Variants in TPM1 observed in about 807,000 individuals in gnomAD.
The protein encoded by TPM1 is tropomyosin 1, also known as tropomyosin alpha-1 chain.
Under a neutral mutation model 42.9 loss-of-function variants are expected in TPM1, and 24 were observed. The observed-to-expected ratio is 0.56, with a 90% confidence interval of 0.41 to 0.79. TPM1 has a LOEUF of 0.79. TPM1 is among the 30% of genes least tolerant of loss of function. TPM1 has a pLI of 0.00. For missense variants in TPM1, 158 were observed against 351.8 expected, an observed-to-expected ratio of 0.45 and a Z score of 4.41; for synonymous variants, 136 against 130.1, an observed-to-expected ratio of 1.05 and a Z score of -0.31.
chr15:63,058,268 C>T lies in TPM1; in HGVS notation c.374+1150C>T, dbSNP rs117315892. On this transcript the variant is annotated intron_variant, in intron 3 of 9. Transcript: ENST00000403994. ...ATGTTAGACTTCGGAGTAAAGGGGA[C>T]TTGGGGATCATTTAGTCCCTTAGTT... 8.1e-4 allele frequency among the ~76,000 whole-genome samples: 123 copies of T among 152,204 alleles called. No individual in the cohort carries two copies. The East Asian group carries it at 0.023, about 28-fold the overall frequency.
At chr15:63,061,864 C>T in intron 6 of TPM1, 76 bp downstream of exon 6, 1 of 1,284,128 alleles carries the variant, frequency 7.8e-7, no homozygotes, top group Non-Finnish European at 1.1e-6. Flanking sequence ...GAAAGCAACA[C>T]TTACAGTAGA....
chr15:63,063,986 G>A (rs537835888), intron 8 of TPM1, 78 bp from the exon 9 acceptor site: 57 of 1,585,668 alleles, frequency 3.6e-5, no homozygotes, highest in African/African-American at 2.9e-4. Context: ...GATGGTGCGC[G>A]CACCACCCTC....
intron 2 of TPM1, among the ~76,000 whole-genome samples, chr15:63,053,959 G>A (rs997065828): frequency 1.3e-5 from 2 of 152,002 alleles, no homozygotes; most frequent in Non-Finnish European, 1.5e-5. Flanking sequence ...GATTACAGGC[G>A]TGAGCCACAG....
intron 2 of TPM1, chr15:63,048,468 C>A: frequency 7.2e-7 from 1 of 1,390,030 alleles, no homozygotes; most frequent in Non-Finnish European, 9.2e-7. Context: ...GAGGCCTGGG[C>A]GGGGCGGACC....
At chr15:63,061,832 C>T in intron 6 of TPM1, 44 bp downstream of exon 6, 1 of 1,567,352 alleles carries the variant, frequency 6.4e-7, no homozygotes, top group Admixed American at 1.7e-5. Flanking sequence ...CTTTTAAGAG[C>T]TGCTCAAAAG....
chr15:63,053,629 G>A (rs906314242), intron 2 of TPM1, among the ~76,000 whole-genome samples: 12 of 150,242 alleles, frequency 8.0e-5, no homozygotes, highest in Non-Finnish European at 1.6e-4. Flanking sequence ...CTCCCCCTTT[G>A]ACCTCCTGAA....
chr15:63,043,603 G>A (rs1219935915), intron 1 of TPM1: 3 of 1,516,874 alleles, frequency 2.0e-6, no homozygotes, highest in Non-Finnish European at 2.7e-6. Flanking sequence ...ACTCGGCGGC[G>A]CCCCGAGCCC....
intron 2 of TPM1, among the ~76,000 whole-genome samples, chr15:63,053,135 T>C (rs1256085641): frequency 1.3e-5 from 2 of 152,358 alleles, no homozygotes; most frequent in Non-Finnish European, 2.9e-5. Context: ...CGTGTCCTTA[T>C]GTGAGCTTCC....
Position 63,060,887 on chromosome 15 carries a change from AT to A in TPM1, c.512del (p.Ile171ThrfsTer27). ...KYEEVARKLV[I>X]IESDLERAEE... ...GCTGCAGGTGGCCCGTAAGCTGGTCATCATTGAGAGCGACCTGGAACGTGCA... is the reference window on the plus strand; with the variant it reads ...GCTGCAGGTGGCCCGTAAGCTGGTCACATTGAGAGCGACCTGGAACGTGCA... On this transcript the variant is annotated frameshift_variant, in exon 5 of 10. Transcript: ENST00000403994. LOFTEE classifies it high-confidence loss of function. The A allele has an allele frequency of 6.2e-7, 1 of 1,614,198 alleles. No homozygotes were observed. The highest frequency in any genetic ancestry group is 8.5e-7 in the Non-Finnish European group (1 of 1,180,048).
downstream of TPM1, among the ~76,000 whole-genome samples, chr15:63,066,390 G>A (rs1180350458): frequency 6.6e-6 from 1 of 152,214 alleles, no homozygotes; most frequent in South Asian, 2.1e-4. Flanking sequence ...CTGCTTTGCA[G>A]TCTGGGTCAC....
chr15:63,050,544 TATAAC>T (rs2033649931), intron 2 of TPM1, among the ~76,000 whole-genome samples: 1 of 152,270 alleles, frequency 6.6e-6, no homozygotes, highest in African/African-American at 2.4e-5. Context: ...ACGTCGTTTT[TATAAC>T]AGAACTCTTC....
chr15:63,069,775 T>G, downstream of TPM1: 1 of 1,497,912 alleles, frequency 6.7e-7, no homozygotes. Flanking sequence ...CTGCTTGAGG[T>G]CTCTTTGTGT....
At position 63,042,770 on chromosome 15, in the gene TPM1, C is replaced by T; in HGVS notation, c.-60C>T. 6.8e-7 allele frequency: 1 copy of T among 1,464,504 alleles called. No individual in the cohort carries two copies. Among genetic ancestry groups the T allele is most frequent in the South Asian group, 1.2e-5 (1 of 86,242 alleles). The allele number at this position is 1,464,504 out of a possible 1,614,324, so 90.7% of individuals were successfully genotyped here. ...GCGCTCGCACTCCCGCTCCTCCGCC[C>T]GACCGCGCGCTCGCCCCGCCGCTCC... On this transcript the variant is annotated 5_prime_UTR_variant, in exon 1 of 10. Coordinates refer to ENST00000403994, the MANE Select transcript of TPM1 (RefSeq NM_001018005.2).
intron 1 of TPM1, chr15:63,043,727 A>G: frequency 1.3e-6 from 2 of 1,548,464 alleles, no homozygotes; most frequent in Non-Finnish European, 1.7e-6. Context: ...CATCGCGGCC[A>G]AGGAGAAGTT....
chr15:63,043,549 C>T, intron 1 of TPM1: 3 of 1,230,626 alleles, frequency 2.4e-6, no homozygotes, highest in East Asian at 2.5e-5. Context: ...GGAGCGGTTC[C>T]AGCTCGGGTA....
At chr15:63,056,272 C>T (rs1176407321) in intron 2 of TPM1, 1 of 152,336 alleles carries the variant, frequency 6.6e-6, no homozygotes, top group Non-Finnish European at 1.5e-5. Flanking sequence ...ATGGCTGAGC[C>T]TGGGTAAGTC....
At chr15:63,066,476 G>C (rs187930788), downstream of TPM1, among the ~76,000 whole-genome samples, 2 of 152,192 alleles carry the variant, frequency 1.3e-5, no homozygotes, top group African/African-American at 2.4e-5. Context: ...TTTAGCTCGG[G>C]ATGTAGTGAC....
rs377726678 is a variant in TPM1 at position 63,060,851 on chromosome 15, T to G, written c.493-18T>G. ...CTTGCAAGACCCATGGTGTGTGTGT[T>G]GTGTCTTCCTGCTGCAGGTGGCCCG... is the stretch of plus-strand genomic sequence containing the variant. On this transcript the variant is annotated intron_variant, in intron 4 of 9. Transcript: ENST00000403994. The G allele has an allele frequency of 1.1e-4, 172 of 1,614,080 alleles. 1 individual carries two copies. The highest frequency in any genetic ancestry group is 1.4e-4 in the Non-Finnish European group (166 of 1,180,046).
intron 6 of TPM1, 126 bp from the exon 7 acceptor site, chr15:63,062,089 C>T: frequency 1.2e-6 from 1 of 838,090 alleles, no homozygotes; most frequent in Non-Finnish European, 2.0e-6. Flanking sequence ...CATTTGATAT[C>T]AGAGGTTCCA....
Sources: allele counts gnomAD v4.1 joint callset (sites outside exome capture counted in the v4.1 genomes callset), GRCh38; gene constraint gnomAD v4.1.1; transcripts MANE v1.5; gene names NCBI Gene and HGNC (gene_info 2026-07-23, HGNC 2026-07-21).